COX20: variants seen among roughly 807,000 people sequenced by gnomAD.
COX20 encodes cytochrome c oxidase assembly protein COX20, mitochondrial.
A neutral mutation model predicts 14.3 loss-of-function variants in COX20; 14 were observed. That is an observed-to-expected ratio of 0.98 (90% CI 0.65 to 1.53). COX20 has a LOEUF of 1.53. COX20 is among the 40% of genes most tolerant of loss of function. The pLI, the probability that COX20 is intolerant of heterozygous loss-of-function variation, is 0.00. For synonymous variants in COX20, 56 were observed against 51.7 expected (o/e 1.08, Z -0.36); for missense variants, 149 against 142.1 (o/e 1.05, Z -0.25).
chr1:244,836,522 TAATA>T, intron 1 of COX20: 1 of 1,550,086 alleles, frequency 6.5e-7, no homozygotes, highest in Non-Finnish European at 8.7e-7. Context: ...TATTGGAAGG[TAATA>T]AATGATCTTG....
intron 1 of COX20, among the ~76,000 whole-genome samples, chr1:244,836,253 C>T (rs541899235): frequency 6.6e-6 from 1 of 152,182 alleles, no homozygotes. Flanking sequence ...GCTGGTGTCC[C>T]TGTCTCCATA....
At chr1:244,835,603 A>G (rs1679940766), upstream of COX20, 1 of 784,248 alleles carries the variant, frequency 1.3e-6, no homozygotes, top group Non-Finnish European at 1.7e-6. Context: ...GCGTCGGAAC[A>G]GGGCGGGAGG....
rs553466249 is a variant in COX20, at chr1:244,841,956, C to T, written c.55C>T (p.Leu19=). Residue 19 remains leucine, a synonymous_variant, in exon 2 of 4, where the codon CTA becomes TTA. Transcript: ENST00000411948. ...TTTTTCATTCTAGTCCCTTAAGCTC[C>T]TAGGATTTTTAGATGTTGAAAATAC... is the stretch of plus-strand genomic sequence containing the variant. ...EPEERKSLKL[L]GFLDVENTPC... 1 of 1,594,302 alleles carries T rather than the reference C, an allele frequency of 6.3e-7. No homozygotes were observed. The highest frequency in any genetic ancestry group is 1.7e-5 in the Admixed American group (1 of 59,542).
Position 244,842,234 on chromosome 1 carries a change from T to C in COX20, c.197T>C (p.Phe66Ser). The change falls in exon 3 of 4, where the codon TTT becomes TCT. Residue 66 changes from phenylalanine to serine, a missense_variant. Phe to Ser is a radical substitution (Grantham distance 155). Coordinates refer to ENST00000411948, the MANE Select transcript of COX20 (RefSeq NM_198076.6). ...TCATGTGATGTTGGAGTAGGAGGGTTTATCTTGGTGACTTTGGGATGCTGG... is the reference window on the plus strand; with the variant it reads ...TCATGTGATGTTGGAGTAGGAGGGTCTATCTTGGTGACTTTGGGATGCTGG... ...RRSCDVGVGG[F>S]ILVTLGCWFH... 6.2e-7 allele frequency: 1 copy of C among 1,609,456 alleles called. No homozygotes were observed. Among genetic ancestry groups the C allele is most frequent in the Non-Finnish European group, 8.5e-7 (1 of 1,175,956 alleles).
intron 1 of COX20, chr1:244,841,252 G>A (rs545288386): frequency 6.6e-6 from 1 of 152,344 alleles, no homozygotes; most frequent in African/African-American, 2.4e-5. Flanking sequence ...GGATACAAAA[G>A]TTAGCGGCAG....
Position 244,843,461 on chromosome 1 carries a change from A to C in COX20, c.*285A>C. ...AAAACATAGTGTTTAATGTACTTGG[A>C]GTTTCCTTGTAGTAGTAAGTATAGA... On this transcript the variant is annotated 3_prime_UTR_variant, in exon 4 of 4. Transcript: ENST00000411948. The C allele has an allele frequency of 3.1e-6, 1 of 327,830 alleles. No homozygotes were observed. The highest frequency in any genetic ancestry group is 5.6e-6 in the Non-Finnish European group (1 of 179,204). 20.3% of individuals were successfully genotyped at this position (327,830 alleles called of 1,614,324 possible). A position where few individuals can be genotyped will look rare whatever the true frequency, so the allele number is the denominator to read the frequency against.
chr1:244,836,609 C>A, intron 1 of COX20: 1 of 1,190,622 alleles, frequency 8.4e-7, no homozygotes, highest in Non-Finnish European at 1.2e-6. Context: ...AACAGGTATT[C>A]AGAAAAGAAT....
At chr1:244,837,927 T>C (rs1680047691) in intron 1 of COX20, among the ~76,000 whole-genome samples, 1 of 152,176 alleles carries the variant, frequency 6.6e-6, no homozygotes, top group Admixed American at 6.5e-5. Context: ...GAGGACTTAT[T>C]ATAGTCATCT....
At chr1:244,836,957 AGT>A (rs2102969328) in intron 1 of COX20, among the ~76,000 whole-genome samples, 1 of 142,894 alleles carries the variant, frequency 7.0e-6, no homozygotes, top group South Asian at 2.1e-4. Context: ...GAATAAGCTT[AGT>A]GTTTAAAAAA....
At chr1:244,842,357 C>T (rs1680242247) in intron 3 of COX20, 99 bp downstream of exon 3, 1 of 806,978 alleles carries the variant, frequency 1.2e-6, no homozygotes. Context: ...TTGGGAGATC[C>T]TCACCCTCAA....
chr1:244,838,377 C>CG (rs1408680685), intron 1 of COX20, among the ~76,000 whole-genome samples: 1 of 152,074 alleles, frequency 6.6e-6, no homozygotes, highest in Non-Finnish European at 1.5e-5. Context: ...AATCTGGAGT[C>CG]ATCATATAAT....
chr1:244,842,954 T>G (rs1680266155), intron 3 of COX20, 87 bp from the exon 4 acceptor site: 3 of 1,044,792 alleles, frequency 2.9e-6, no homozygotes, highest in African/African-American at 3.4e-5. Context: ...CATCTGTATT[T>G]AAGTTTTGTG....
intron 1 of COX20, among the ~76,000 whole-genome samples, chr1:244,837,097 A>G (rs2102969471): frequency 6.6e-6 from 1 of 151,890 alleles, no homozygotes; most frequent in Middle Eastern, 3.4e-3. Flanking sequence ...GGTTTAATCC[A>G]TTGGAAATTA....
chr1:244,843,805 G>C lies in COX20; in HGVS notation c.*629G>C, dbSNP rs1180838328. 2 of 152,164 alleles carry C rather than the reference G, an allele frequency of 1.3e-5. No homozygotes were observed. The highest frequency in any genetic ancestry group is 2.4e-5 in the African/African-American group (1 of 41,428). 9.4% of individuals were successfully genotyped at this position (152,164 alleles called of 1,614,324 possible). On this transcript the variant is annotated 3_prime_UTR_variant, in exon 4 of 4. Transcript: ENST00000411948. ...ATATGCACATGGAACTTGTCTGGCA[G>C]ACTGATGCAATAGTAAAACAACTGC... is the stretch of plus-strand genomic sequence containing the variant.
Position 244,843,264 on chromosome 1 carries a change from ATAAAGT to A in COX20, c.*90_*95del, listed in dbSNP as rs778452416. The A allele has an allele frequency of 2.7e-5, 38 of 1,421,978 alleles. No individual in the cohort carries two copies. The highest frequency in any genetic ancestry group is 1.8e-4 in the Middle Eastern group (1 of 5,474). The allele number at this position is 1,421,978 out of a possible 1,614,324, so 88.1% of individuals were successfully genotyped here. On this transcript the variant is annotated 3_prime_UTR_variant, in exon 4 of 4. Coordinates refer to ENST00000411948, the MANE Select transcript of COX20 (RefSeq NM_198076.6). ...GTGCAATAAGCTCTCAATCAAGTAAATAAAGTTTAAGTTGTAGTCATTTTTTTCCCA... is the reference window on the plus strand; with the variant it reads ...GTGCAATAAGCTCTCAATCAAGTAAATTAAGTTGTAGTCATTTTTTTCCCA...
intron 1 of COX20, 23 bp downstream of exon 1, chr1:244,835,779 G>T (rs1464530414): frequency 3.2e-6 from 4 of 1,248,922 alleles, no homozygotes; most frequent in Admixed American, 4.2e-5. Context: ...TCGGCGGGGC[G>T]CGCGCCGCGG....
chr1:244,838,895 C>T (rs980358990), intron 1 of COX20, among the ~76,000 whole-genome samples: 2 of 151,966 alleles, frequency 1.3e-5, no homozygotes, highest in Admixed American at 1.3e-4. Context: ...TGGGCTCAAG[C>T]GATTCTGCCT....
intron 3 of COX20, 115 bp from the exon 4 acceptor site, chr1:244,842,926 C>A: frequency 1.3e-6 from 1 of 749,356 alleles, no homozygotes; most frequent in Non-Finnish European, 2.0e-6. Flanking sequence ...ACATATTTTT[C>A]AGTCTCAGGG....
chr1:244,836,349 A>G (rs1679983871), intron 1 of COX20: 1 of 698,066 alleles, frequency 1.4e-6, no homozygotes, highest in Non-Finnish European at 2.5e-6. Context: ...CCTAACATCC[A>G]GTCGTAGCAG....
Sources: allele counts gnomAD v4.1 joint callset (sites outside exome capture counted in the v4.1 genomes callset), GRCh38; gene constraint gnomAD v4.1.1; transcripts MANE v1.5; gene names NCBI Gene and HGNC (gene_info 2026-07-23, HGNC 2026-07-21).